The following SYNPO2 variants were observed in gnomAD, a reference collection of about 807,000 sequenced individuals.
SYNPO2 encodes synaptopodin-2.
SYNPO2 carries 56 observed loss-of-function variants against 85.0 expected under a neutral mutation model. The ratio of observed to expected loss-of-function variants is 0.66; its 90% CI spans 0.53 to 0.82. The LOEUF (loss-of-function observed/expected upper bound fraction) is 0.82. SYNPO2 is among the 40% of genes least tolerant of loss of function. SYNPO2 has a pLI of 0.00. For synonymous variants in SYNPO2, 602 were observed against 591.1 expected (o/e 1.02, Z -0.27); for missense variants, 1,575 against 1,534.2 (o/e 1.03, Z -0.44).
intron 1 of SYNPO2, among the ~76,000 whole-genome samples, chr4:118,959,293 G>A (rs909662937): frequency 3.3e-5 from 5 of 152,284 alleles, no homozygotes; most frequent in East Asian, 1.9e-4. Flanking sequence ...AACTTTGAAC[G>A]TTTGCTGCCA....
At chr4:119,055,663 C>T (rs76915215) in intron 4 of SYNPO2, among the ~76,000 whole-genome samples, 2,623 of 152,108 alleles carry the variant, frequency 0.017, 86 homozygotes, top group African/African-American at 0.06. Flanking sequence ...GAAACTAAGG[C>T]CTTAAAGGTG....
At chr4:118,970,060 G>T (rs1027747828) in intron 1 of SYNPO2, among the ~76,000 whole-genome samples, 8 of 152,068 alleles carry the variant, frequency 5.3e-5, no homozygotes, top group African/African-American at 1.4e-4. Flanking sequence ...AATAATGATA[G>T]CAAAAATTAA....
intron 1 of SYNPO2, among the ~76,000 whole-genome samples, chr4:119,007,229 T>C (rs1268414204): frequency 4.2e-5 from 2 of 48,058 alleles, no homozygotes; most frequent in Non-Finnish European, 3.8e-5. Flanking sequence ...TATATATATA[T>C]ATATATATAT....
chr4:118,983,462 G>A (rs567369239), intron 1 of SYNPO2, among the ~76,000 whole-genome samples: 1 of 152,200 alleles, frequency 6.6e-6, no homozygotes, highest in East Asian at 1.9e-4. Context: ...CTCATCTCCA[G>A]GTGGCTCAAT....
In SYNPO2 at chr4:118,888,941, C is replaced by A; in HGVS notation, c.-96C>A. ...GCTCTGCATTACCCAGTCTTGCGTC[C>A]TCGGCAGGCGCCCGAAGCTGAGTGC... On this transcript the variant is annotated 5_prime_UTR_variant, in exon 1 of 5. Coordinates refer to ENST00000307142, the MANE Select transcript of SYNPO2 (RefSeq NM_133477.3). 1.6e-6 allele frequency: 2 copies of A among 1,285,430 alleles called. No individual in the cohort carries two copies. The highest frequency in any genetic ancestry group is 2.2e-6 in the Non-Finnish European group (2 of 888,902). The allele number at this position is 1,285,430 out of a possible 1,614,324, so 79.6% of individuals were successfully genotyped here.
intron 1 of SYNPO2, among the ~76,000 whole-genome samples, chr4:119,021,194 AATAATGCC>A (rs1737707706): frequency 6.6e-6 from 1 of 152,216 alleles, no homozygotes; most frequent in Non-Finnish European, 1.5e-5. Context: ...TTCAAATTTC[AATAATGCC>A]ATTGTTTTGG....
At chr4:119,011,501 G>A (rs747302601) in intron 1 of SYNPO2, among the ~76,000 whole-genome samples, 1 of 152,128 alleles carries the variant, frequency 6.6e-6, no homozygotes, top group Non-Finnish European at 1.5e-5. Flanking sequence ...TATCTCTGAT[G>A]TCCAACATTC....
intron 1 of SYNPO2, among the ~76,000 whole-genome samples, chr4:118,998,433 T>C (rs149353080): frequency 6.6e-6 from 1 of 152,302 alleles, no homozygotes; most frequent in Non-Finnish European, 1.5e-5. Context: ...GATGAGAAAA[T>C]TAATCATGAA....
At chr4:119,007,227 T>TTTGTATATAC (rs1737070105) in intron 1 of SYNPO2, among the ~76,000 whole-genome samples, 1 of 48,760 alleles carries the variant, frequency 2.1e-5, no homozygotes, top group Non-Finnish European at 3.6e-5. Flanking sequence ...TATATATATA[T>TTTGTATATAC]ATATATATAT....
chr4:118,908,909 A>T (rs4834718), intron 1 of SYNPO2, among the ~76,000 whole-genome samples: 2 of 152,184 alleles, frequency 1.3e-5, no homozygotes, highest in East Asian at 1.9e-4. Flanking sequence ...TTGCTTAAAG[A>T]TTCCTGACCT....
At chr4:118,918,191 T>C (rs1250296946) in intron 1 of SYNPO2, among the ~76,000 whole-genome samples, 1 of 152,188 alleles carries the variant, frequency 6.6e-6, no homozygotes, top group Admixed American at 6.6e-5. Flanking sequence ...AAATCCATTT[T>C]TTAAACAATG....
intron 4 of SYNPO2, among the ~76,000 whole-genome samples, chr4:119,038,870 C>A (rs1738619227): frequency 6.8e-6 from 1 of 146,474 alleles, no homozygotes; most frequent in Non-Finnish European, 1.5e-5. Flanking sequence ...AGCAAGGACA[C>A]TTTTAAACCT....
At chr4:118,935,954 G>T (rs1734085713) in intron 1 of SYNPO2, among the ~76,000 whole-genome samples, 1 of 152,142 alleles carries the variant, frequency 6.6e-6, no homozygotes, top group Admixed American at 6.5e-5. Flanking sequence ...TGCTGTCTTA[G>T]GGGTGGCAGA....
intron 1 of SYNPO2, among the ~76,000 whole-genome samples, chr4:118,923,981 A>G (rs1405118502): frequency 6.6e-6 from 1 of 151,822 alleles, no homozygotes; most frequent in East Asian, 1.9e-4. Flanking sequence ...ATTAATGATG[A>G]TCTCAGCTGG....
In SYNPO2 at chr4:119,030,002, A is replaced by G. The variant is rs1357152152; in HGVS notation, c.1227A>G (p.Leu409=). 10 of 1,614,122 alleles carry G rather than the reference A, an allele frequency of 6.2e-6. No homozygotes were observed. The highest frequency in any genetic ancestry group is 8.5e-6 in the Non-Finnish European group (10 of 1,180,018). ...GTCGGAGGGCCAGGAAATACACCCT[A>G]GTTAGCTACGGTACTGGCGAGCTTG... The part of the protein sequence containing the change: ...KRRRRARKYT[L]VSYGTGELER... The change falls in exon 4 of 5, where the codon CTA becomes CTG. Residue 409 remains leucine (L), a synonymous_variant. Transcript: ENST00000307142.
intron 1 of SYNPO2, among the ~76,000 whole-genome samples, chr4:118,854,450 C>T (rs1321112409): frequency 6.6e-6 from 1 of 152,054 alleles, no homozygotes; most frequent in African/African-American, 2.4e-5. Flanking sequence ...AGAAAACCAG[C>T]CAATTCAAAA....
chr4:119,031,858 C>G lies in SYNPO2; in HGVS notation c.3083C>G (p.Pro1028Arg). 1 of 1,614,216 alleles carries G rather than the reference C, an allele frequency of 6.2e-7. No individual in the cohort carries two copies. The highest frequency in any genetic ancestry group is 8.5e-7 in the Non-Finnish European group (1 of 1,180,048). The change falls in exon 4 of 5, where the codon CCA becomes CGA. Residue 1028 changes from proline to arginine, a missense_variant. Pro to Arg is a moderately radical substitution (Grantham distance 103). Around this residue, in one of 3 missense-constraint regions of SYNPO2, gnomAD observed 1,508 missense variants for 1,446.8 expected, o/e 1.04. Coordinates refer to ENST00000307142, the MANE Select transcript of SYNPO2 (RefSeq NM_133477.3). Reference protein sequence around the residue: ...NVQASSVYSVPAYTSPPSFFA... With the variant: ...NVQASSVYSVRAYTSPPSFFA... ...CAGGCTTCGTCAGTGTACTCGGTAC[C>G]AGCCTATACCTCTCCTCCTTCCTTC...
chr4:118,916,808 C>T (rs1203022104), intron 1 of SYNPO2, among the ~76,000 whole-genome samples: 1 of 148,518 alleles, frequency 6.7e-6, no homozygotes, highest in Non-Finnish European at 1.5e-5. Context: ...TCATAGCTCA[C>T]TGCAGCCTTG....
In SYNPO2 at chr4:119,030,524, C is replaced by A; in HGVS notation, c.1749C>A (p.Val583=). ...AGACAGCAAACATCCAGAGGATGGT[C>A]CCCATGAATAGAACGGCCAAACCCT... ...TSETANIQRM[V]PMNRTAKPFP... The change falls in exon 4 of 5, where the codon GTC becomes GTA. Residue 583 remains valine, a synonymous_variant. Coordinates refer to ENST00000307142, the MANE Select transcript of SYNPO2 (RefSeq NM_133477.3). The A allele has an allele frequency of 5.0e-6, 8 of 1,614,154 alleles. No homozygotes were observed. The South Asian group carries it at 5.5e-5, about 11-fold the overall frequency.
Sources: gnomAD v4.1 joint callset for allele counts (sites outside exome capture counted in the v4.1 genomes callset) on GRCh38, gnomAD v4.1.1 for gene constraint, gnomAD v4.1.1 regional missense constraint, MANE v1.5 for transcripts, NCBI Gene and HGNC (gene_info 2026-07-23, HGNC 2026-07-21) for gene names.